TEX9: variants seen among roughly 807,000 people sequenced by gnomAD.
TEX9 encodes the protein testis-expressed protein 9.
TEX9 carries 74 observed loss-of-function variants against 59.6 expected under a neutral mutation model. That is an observed-to-expected ratio of 1.24 (90% CI 1.03 to 1.51). The LOEUF (loss-of-function observed/expected upper bound fraction) is 1.51, where lower values mean the gene tolerates loss of function less well. Among genes scored for constraint, TEX9 ranks in the 40% most tolerant of loss-of-function variants. TEX9 has a pLI of 0.00. For missense variants in TEX9, 522 were observed against 447.8 expected, an observed-to-expected ratio of 1.17 and a Z score of -1.49; for synonymous variants, 186 against 152.2, an observed-to-expected ratio of 1.22 and a Z score of -1.64.
chr15:56,430,506 A>G (rs1462868911), intron 12 of TEX9, among the ~76,000 whole-genome samples: 2 of 152,112 alleles, frequency 1.3e-5, no homozygotes, highest in African/African-American at 2.4e-5. Flanking sequence ...ATGCCCAGCC[A>G]GTTACTATTT....
At chr15:56,426,089 G>A (rs531993046) in intron 10 of TEX9, among the ~76,000 whole-genome samples, 1 of 152,144 alleles carries the variant, frequency 6.6e-6, no homozygotes, top group African/African-American at 2.4e-5. Context: ...GCAGTTCTGT[G>A]GACTCACTAC....
chr15:56,452,125 G>T, the TEX9 span, among the ~76,000 whole-genome samples: 2 of 152,220 alleles, frequency 1.3e-5, no homozygotes, highest in African/African-American at 4.8e-5. Flanking sequence ...TTGCTTCTGT[G>T]TTGGGGGTTC....
chr15:56,394,028 A>G, intron 7 of TEX9, 137 bp from the exon 8 acceptor site: 1 of 650,370 alleles, frequency 1.5e-6, no homozygotes. Flanking sequence ...GAGTACCTAT[A>G]GTGCCCCCTA....
At chr15:56,244,792 G>A (rs1234369145) in intron 1 of TEX9, among the ~76,000 whole-genome samples, 5 of 147,124 alleles carry the variant, frequency 3.4e-5, no homozygotes, top group Admixed American at 2.0e-4. Flanking sequence ...TTGAACACCC[G>A]CCCTCCCCCC....
At position 56,384,001 on chromosome 15, in the gene TEX9, CAT is replaced by C. The variant is rs754220205; in HGVS notation, c.234_235del (p.Cys79Ter). 27 of 1,612,214 alleles carry C rather than the reference CAT, an allele frequency of 1.7e-5. No individual in the cohort carries two copies. The East Asian group carries it at 2.9e-4, about 17-fold the overall frequency. On this transcript the variant is annotated frameshift_variant, in exon 4 of 13. Transcript: ENST00000352903. LOFTEE classifies it high-confidence loss of function. ...AGGCCTGTTTCAACACAAATGAAAT[CAT>C]GTGATGACGAAGATGATTACAGTTT...
In TEX9 at chr15:56,249,780, A is replaced by C. The variant is rs115473204; in HGVS notation, c.-107+5502A>C. 5.0e-3 allele frequency among the ~76,000 whole-genome samples: 748 copies of C among 151,102 alleles called. 5 individuals are homozygous for C. The highest frequency in any genetic ancestry group is 0.017 in the African/African-American group (714 of 41,164). ...AAAAAAAAAAAAAAGAGGAAAGAAG[A>C]AGCATCTATGGGCAGGTGGAATTAC... is the stretch of plus-strand genomic sequence containing the variant. On this transcript the variant is annotated intron_variant, in intron 1 of 5. Transcript: ENST00000560827.
intron 1 of TEX9, among the ~76,000 whole-genome samples, chr15:56,306,325 A>G (rs1426578938): frequency 6.6e-6 from 1 of 150,634 alleles, no homozygotes; most frequent in African/African-American, 2.4e-5. Flanking sequence ...TGTGCATTGC[A>G]GTACTATTCA....
chr15:56,442,284 T>C (rs1370407525), intron 12 of TEX9, among the ~76,000 whole-genome samples: 4 of 152,180 alleles, frequency 2.6e-5, no homozygotes, highest in Admixed American at 6.5e-5. Context: ...TTGGTGGGAA[T>C]GTAAACTAGT....
chr15:56,406,028 C>G (rs1325474755), intron 9 of TEX9, among the ~76,000 whole-genome samples: 1 of 151,996 alleles, frequency 6.6e-6, no homozygotes, highest in East Asian at 1.9e-4. Context: ...TTAATATTCC[C>G]TCATAACTAC....
At chr15:56,449,129 T>C (rs1596265450), downstream of TEX9, among the ~76,000 whole-genome samples, 1 of 152,188 alleles carries the variant, frequency 6.6e-6, no homozygotes, top group African/African-American at 2.4e-5. Context: ...ATTCCTTTAA[T>C]GCCAATCCTA....
intron 1 of TEX9, among the ~76,000 whole-genome samples, chr15:56,266,416 G>T (rs1340768461): frequency 6.6e-6 from 1 of 151,490 alleles, no homozygotes; most frequent in East Asian, 1.9e-4. Flanking sequence ...GTGTTGGTTT[G>T]CTACACTCAC....
chr15:56,388,196 T>TA (rs1345719706), intron 4 of TEX9, among the ~76,000 whole-genome samples: 1 of 152,018 alleles, frequency 6.6e-6, no homozygotes, highest in Non-Finnish European at 1.5e-5. Context: ...AGCCCACAAT[T>TA]ACTCTTTATG....
chr15:56,434,054 T>G, intron 12 of TEX9: 2 of 1,402,236 alleles, frequency 1.4e-6, no homozygotes, highest in Non-Finnish European at 1.9e-6. Context: ...CATATAAAGC[T>G]TCTCAGTAAA....
the TEX9 span, among the ~76,000 whole-genome samples, chr15:56,454,119 G>C: frequency 6.6e-6 from 1 of 152,014 alleles, no homozygotes; most frequent in Non-Finnish European, 1.5e-5. Context: ...GTACTCAACT[G>C]AATGACTTTT....
At chr15:56,375,674 TC>T (rs2047406209) in intron 3 of TEX9, among the ~76,000 whole-genome samples, 1 of 152,204 alleles carries the variant, frequency 6.6e-6, no homozygotes, top group Admixed American at 6.5e-5. Context: ...CTTTAATCCA[TC>T]TTGAATTAAT....
intron 1 of TEX9, among the ~76,000 whole-genome samples, chr15:56,300,577 C>T (rs976248356): frequency 2.6e-5 from 4 of 151,970 alleles, no homozygotes; most frequent in South Asian, 4.2e-4. Flanking sequence ...TGCTGTGGGC[C>T]CTGTGTGAGA....
Position 56,269,479 on chromosome 15 carries a change from A to G in TEX9, c.-107+25201A>G, listed in dbSNP as rs1596055059. Among the ~76,000 whole-genome samples, 3 of 152,056 alleles carry G rather than the reference A, an allele frequency of 2.0e-5. No individual in the cohort carries two copies. In the East Asian group the frequency reaches 5.8e-4, roughly 29 times the overall value. On this transcript the variant is annotated intron_variant, in intron 1 of 5. Coordinates refer to the TEX9 transcript ENST00000560827. ...CATTTAGTGCTATAAATTTCCCTCT[A>G]CACACTGCTTAAATGTGTCCCAGAG...
chr15:56,428,604 T>C, intron 12 of TEX9: 2 of 514,936 alleles, frequency 3.9e-6, no homozygotes, highest in Non-Finnish European at 6.8e-6. Context: ...AGATTAGCTA[T>C]TAGCTCTTTT....
intron 9 of TEX9, among the ~76,000 whole-genome samples, chr15:56,408,059 A>G (rs959651080): frequency 1.3e-5 from 2 of 152,210 alleles, no homozygotes; most frequent in Admixed American, 1.3e-4. Flanking sequence ...AATCATTCAT[A>G]TATCTATTTT....
Sources: allele counts gnomAD v4.1 joint callset (sites outside exome capture counted in the v4.1 genomes callset), GRCh38; gene constraint gnomAD v4.1.1; transcripts MANE v1.5; gene names NCBI Gene and HGNC (gene_info 2026-07-23, HGNC 2026-07-21).